Variants in SAMMSON observed in about 807,000 individuals in gnomAD.
SAMMSON encodes long intergenic non-protein coding RNA 1212.
At chr3:70,125,656 A>G (rs2067454875) in intron 4 of SAMMSON, 2 of 699,506 alleles carry the variant, frequency 2.9e-6, no homozygotes, top group Non-Finnish European at 5.2e-6. Flanking sequence ...ATGGAATTCA[A>G]TTCTTTTATT....
At chr3:70,259,412 CT>C (rs1701845248) in intron 6 of SAMMSON, among the ~76,000 whole-genome samples, 1 of 150,922 alleles carries the variant, frequency 6.6e-6, no homozygotes, top group Non-Finnish European at 1.5e-5. Flanking sequence ...AATTTATTGA[CT>C]TTTAAAAAAA....
At chr3:70,090,259 G>C (rs1411119638) in intron 4 of SAMMSON, among the ~76,000 whole-genome samples, 1 of 152,082 alleles carries the variant, frequency 6.6e-6, no homozygotes, top group African/African-American at 2.4e-5. Flanking sequence ...TTTTCTCTGG[G>C]ACATATGAAA....
At chr3:70,223,131 T>C (rs751412814) in intron 4 of SAMMSON, among the ~76,000 whole-genome samples, 21 of 152,176 alleles carry the variant, frequency 1.4e-4, no homozygotes, top group Non-Finnish European at 2.6e-4. Context: ...CTGATGATTG[T>C]CATTGTTCTA....
intron 4 of SAMMSON, among the ~76,000 whole-genome samples, chr3:70,086,274 A>T (rs1257829022): frequency 6.6e-6 from 1 of 152,202 alleles, no homozygotes; most frequent in African/African-American, 2.4e-5. Flanking sequence ...TTGTGGACTC[A>T]TGGTTATCCT....
At chr3:70,254,353 C>T (rs1701795780) in intron 6 of SAMMSON, among the ~76,000 whole-genome samples, 1 of 152,086 alleles carries the variant, frequency 6.6e-6, no homozygotes, top group Non-Finnish European at 1.5e-5. Flanking sequence ...TCAATCCATG[C>T]AATTATTCTC....
chr3:70,293,299 C>G (rs1702257500), intron 7 of SAMMSON, among the ~76,000 whole-genome samples: 1 of 151,902 alleles, frequency 6.6e-6, no homozygotes, highest in Non-Finnish European at 1.5e-5. Context: ...ATACAATTAT[C>G]AAAATATGTA....
At chr3:70,167,274 A>C (rs527937022) in intron 4 of SAMMSON, among the ~76,000 whole-genome samples, 32 of 152,124 alleles carry the variant, frequency 2.1e-4, no homozygotes, top group African/African-American at 7.2e-4. Context: ...AAATAAGTAG[A>C]TTGGTAGAAA....
At chr3:70,345,934 A>G (rs67267296) in intron 7 of SAMMSON, among the ~76,000 whole-genome samples, 14,289 of 152,230 alleles carry the variant, frequency 0.094, 918 homozygotes, top group East Asian at 0.37. Context: ...TAAGGTTGCA[A>G]TAAATATTTG....
intron 3 of SAMMSON, among the ~76,000 whole-genome samples, chr3:70,037,542 A>C (rs1314813439): frequency 6.6e-6 from 1 of 152,168 alleles, no homozygotes; most frequent in Non-Finnish European, 1.5e-5. Context: ...AGAAATACAC[A>C]CAGACAAATC....
chr3:70,286,625 A>T (rs911478131), intron 6 of SAMMSON, among the ~76,000 whole-genome samples: 4 of 151,994 alleles, frequency 2.6e-5, no homozygotes, highest in African/African-American at 4.8e-5. Flanking sequence ...TGGGGATGGC[A>T]TTGAATCTGT....
chr3:70,122,805 T>G (rs937091405), intron 4 of SAMMSON, among the ~76,000 whole-genome samples: 1 of 152,254 alleles, frequency 6.6e-6, no homozygotes, highest in African/African-American at 2.4e-5. Context: ...ATAGCATAAC[T>G]TTTGCATGTA....
intron 4 of SAMMSON, among the ~76,000 whole-genome samples, chr3:70,086,918 G>GA (rs1320537030): frequency 1.3e-5 from 2 of 152,178 alleles, no homozygotes; most frequent in Admixed American, 1.3e-4. Flanking sequence ...TAGCTGAGGG[G>GA]AAAAACTGAG....
intron 4 of SAMMSON, among the ~76,000 whole-genome samples, chr3:70,235,196 CA>C (rs1364897160): frequency 6.6e-6 from 1 of 152,168 alleles, no homozygotes; most frequent in Non-Finnish European, 1.5e-5. Context: ...TTACCATCCA[CA>C]AAAGATGTGT....
chr3:70,314,051 T>C (rs1702478017), intron 7 of SAMMSON, among the ~76,000 whole-genome samples: 1 of 152,142 alleles, frequency 6.6e-6, no homozygotes, highest in African/African-American at 2.4e-5. Context: ...GGCTTCTTCA[T>C]CTCTCTCACC....
intron 6 of SAMMSON, among the ~76,000 whole-genome samples, chr3:70,282,834 C>A (rs1259520459): frequency 1.3e-5 from 2 of 152,056 alleles, no homozygotes; most frequent in Admixed American, 1.3e-4. Flanking sequence ...GAAGGATGAC[C>A]ATAGCAGTGC....
At chr3:70,333,673 C>T (rs1702641505) in intron 7 of SAMMSON, among the ~76,000 whole-genome samples, 1 of 152,200 alleles carries the variant, frequency 6.6e-6, no homozygotes, top group African/African-American at 2.4e-5. Flanking sequence ...AATTAGTCTG[C>T]AAATTTCTTC....
At chr3:70,301,613 GTTTGT>G (rs1414193419) in intron 7 of SAMMSON, among the ~76,000 whole-genome samples, 3 of 152,008 alleles carry the variant, frequency 2.0e-5, no homozygotes, top group Non-Finnish European at 4.4e-5. Context: ...AGTAGGAATG[GTTTGT>G]TTTATCAATC....
chr3:70,373,911 T>TTTATTA (rs373295986), intron 9 of SAMMSON, among the ~76,000 whole-genome samples: 2 of 151,942 alleles, frequency 1.3e-5, no homozygotes, highest in East Asian at 1.9e-4. Flanking sequence ...TGTTGATGGC[T>TTTATTA]TTATTATTAT....
intron 6 of SAMMSON, among the ~76,000 whole-genome samples, chr3:70,285,676 A>G (rs1404794568): frequency 2.7e-5 from 4 of 150,336 alleles, no homozygotes; most frequent in South Asian, 2.1e-4. Context: ...TCCCACCAAC[A>G]GTGTAAAAGT....
Sources: gnomAD v4.1 joint callset for allele counts (sites outside exome capture counted in the v4.1 genomes callset) on GRCh38, gnomAD v4.1.1 for gene constraint, MANE v1.5 for transcripts, NCBI Gene and HGNC (gene_info 2026-07-23, HGNC 2026-07-21) for gene names.